Variants in C10orf143 observed in about 807,000 individuals in gnomAD.
C10orf143 encodes uncharacterized protein C10orf143.
downstream of C10orf143, among the ~76,000 whole-genome samples, chr10:130,063,655 G>A (rs1378680268): frequency 6.6e-6 from 1 of 152,202 alleles, no homozygotes; most frequent in Admixed American, 6.5e-5. Flanking sequence ...GACACTCCCT[G>A]GAGGGAGCAC....
At chr10:130,107,701 G>A (rs2134823964) in intron 1 of C10orf143, 1 of 1,259,574 alleles carries the variant, frequency 7.9e-7, no homozygotes, top group Non-Finnish European at 1.2e-6. Flanking sequence ...CTCCAGGGGG[G>A]GAAGGAAGAG....
intron 3 of C10orf143, among the ~76,000 whole-genome samples, chr10:130,077,221 G>GA (rs1376960915): frequency 2.0e-5 from 3 of 152,100 alleles, no homozygotes; most frequent in Non-Finnish European, 4.4e-5. Context: ...GTCTACCGAG[G>GA]AAGTCCTTGC....
chr10:130,041,883 AACACAC>A (rs143782686), intron 3 of C10orf143, among the ~76,000 whole-genome samples: 1 of 151,880 alleles, frequency 6.6e-6, no homozygotes, highest in Non-Finnish European at 1.5e-5. Context: ...GAACACGTGT[AACACAC>A]ACACACACAC....
At chr10:130,083,952 C>T (rs555050002) in intron 1 of C10orf143, among the ~76,000 whole-genome samples, 1 of 152,146 alleles carries the variant, frequency 6.6e-6, no homozygotes, top group Non-Finnish European at 1.5e-5. Context: ...AAATAATGAA[C>T]CTAACTACAT....
chr10:130,095,715 G>T (rs1317864531), intron 1 of C10orf143, among the ~76,000 whole-genome samples: 2 of 107,074 alleles, frequency 1.9e-5, no homozygotes, highest in Non-Finnish European at 4.1e-5. Flanking sequence ...TTAATAAATA[G>T]TGTTGGGAAG....
At chr10:130,081,445 T>C (rs924965333) in intron 1 of C10orf143, among the ~76,000 whole-genome samples, 4 of 152,114 alleles carry the variant, frequency 2.6e-5, no homozygotes, top group Non-Finnish European at 5.9e-5. Context: ...AGGAGATAGA[T>C]TTAAACAACA....
At chr10:130,067,910 G>A (rs1860963233) in intron 3 of C10orf143, 1 of 152,568 alleles carries the variant, frequency 6.6e-6, no homozygotes, top group Non-Finnish European at 1.5e-5. Flanking sequence ...TCACAAAGGG[G>A]TTATTACAAA....
At chr10:130,083,535 C>A (rs913830467) in intron 1 of C10orf143, among the ~76,000 whole-genome samples, 1 of 152,162 alleles carries the variant, frequency 6.6e-6, no homozygotes, top group Non-Finnish European at 1.5e-5. Flanking sequence ...ATGGTACATC[C>A]AAGCAACGAA....
chr10:130,105,834 T>C (rs113421572), intron 1 of C10orf143, among the ~76,000 whole-genome samples: 1,876 of 152,178 alleles, frequency 0.012, 39 homozygotes, highest in African/African-American at 0.044. Context: ...GTCCAACATG[T>C]GCTACCTCAG....
intron 3 of C10orf143, among the ~76,000 whole-genome samples, chr10:130,045,430 C>T (rs1430563161): frequency 1.3e-5 from 2 of 150,308 alleles, no homozygotes; most frequent in Admixed American, 6.6e-5. Context: ...AACCATACAG[C>T]CCCAACTCTG....
chr10:130,104,951 C>CTCTTTTT (rs1861616447), intron 1 of C10orf143: 1 of 152,152 alleles, frequency 6.6e-6, no homozygotes, highest in African/African-American at 2.4e-5. Context: ...TTATTTGAGA[C>CTCTTTTT]AGAGTCTCAC....
At chr10:130,100,207 G>C (rs974636525) in intron 1 of C10orf143, among the ~76,000 whole-genome samples, 1 of 151,912 alleles carries the variant, frequency 6.6e-6, no homozygotes. Flanking sequence ...GGACCAACAA[G>C]ATTTACTCTC....
At chr10:130,099,945 C>A (rs188978156) in intron 1 of C10orf143, among the ~76,000 whole-genome samples, 1 of 150,222 alleles carries the variant, frequency 6.7e-6, no homozygotes, top group Non-Finnish European at 1.5e-5. Flanking sequence ...TCAAGCGATT[C>A]TCCCACCGCA....
intron 1 of C10orf143, chr10:130,104,106 GT>G (rs1861601975): frequency 6.6e-6 from 1 of 152,234 alleles, no homozygotes; most frequent in Non-Finnish European, 1.5e-5. Flanking sequence ...GAGCACTGGA[GT>G]TGCAGAGTAA....
intron 3 of C10orf143, among the ~76,000 whole-genome samples, chr10:130,069,230 C>G (rs615176): frequency 0.63 from 96,078 of 151,918 alleles, 30,768 homozygotes; most frequent in Admixed American, 0.72. Flanking sequence ...GAGAGGCAGC[C>G]AGATGACATA....
chr10:130,040,819 T>C (rs1260461627), intron 3 of C10orf143, among the ~76,000 whole-genome samples: 7 of 148,042 alleles, frequency 4.7e-5, no homozygotes, highest in Admixed American at 4.7e-4. Flanking sequence ...TGAAACTCTG[T>C]CTCAAAAAAA....
chr10:130,052,235 C>T (rs1299862982), intron 3 of C10orf143, among the ~76,000 whole-genome samples: 1 of 151,982 alleles, frequency 6.6e-6, no homozygotes, highest in Non-Finnish European at 1.5e-5. Flanking sequence ...GGACGGGAGC[C>T]CGATGGGGGT....
At position 130,041,206 on chromosome 10, in the gene C10orf143, C is replaced by T. The variant is rs57650994; in HGVS notation, c.298-5236G>A. Among the ~76,000 whole-genome samples the T allele has an allele frequency of 2.8e-3, 434 of 152,328 alleles. 8 individuals carry two copies. In the East Asian group the frequency reaches 0.048, roughly 17 times the overall value. On this transcript the variant is annotated intron_variant and NMD_transcript_variant, in intron 3 of 5. Transcript: ENST00000643056. ...TGCAAAGCAGCGAGCACCTAAATAC[C>T]GAGGCTCTGGTTCCTGAGTCCAGAT...
intron 1 of C10orf143, among the ~76,000 whole-genome samples, chr10:130,092,172 T>G (rs978444518): frequency 6.6e-6 from 1 of 152,186 alleles, no homozygotes; most frequent in South Asian, 2.1e-4. Context: ...AGAGAAAGGT[T>G]GGGTTACCCA....
Sources: allele counts gnomAD v4.1 joint callset (sites outside exome capture counted in the v4.1 genomes callset), GRCh38; gene constraint gnomAD v4.1.1; transcripts MANE v1.5; gene names NCBI Gene and HGNC (gene_info 2026-07-23, HGNC 2026-07-21).